The following EIF5B variants were observed in gnomAD, a reference collection of about 807,000 sequenced individuals.
EIF5B encodes eIF-5B.
In EIF5B, 47 loss-of-function variants were observed where a neutral mutation model predicts 147.5. The observed-to-expected ratio is 0.32, with a 90% confidence interval of 0.25 to 0.41. EIF5B has a LOEUF of 0.41. EIF5B is among the 10% of genes least tolerant of loss of function. The pLI is 1.00. For synonymous variants in EIF5B, 455 were observed against 456.2 expected, an observed-to-expected ratio of 1.00 and a Z score of 0.03; for missense variants, 1,064 against 1,413.2, an observed-to-expected ratio of 0.75 and a Z score of 3.96.
chr2:99,339,208 A>G (rs562454690), intron 1 of EIF5B, among the ~76,000 whole-genome samples: 1 of 151,156 alleles, frequency 6.6e-6, no homozygotes, highest in East Asian at 2.0e-4. Flanking sequence ...AGACGGGGTT[A>G]CTCCATGTTG....
intron 8 of EIF5B, among the ~76,000 whole-genome samples, chr2:99,370,974 T>A (rs1390890780): frequency 6.6e-6 from 1 of 152,202 alleles, no homozygotes; most frequent in African/African-American, 2.4e-5. Flanking sequence ...GCATAAAGTA[T>A]GAGTTGGATG....
chr2:99,396,258 A>G (rs1007595009), intron 21 of EIF5B, among the ~76,000 whole-genome samples: 1 of 152,230 alleles, frequency 6.6e-6, no homozygotes, highest in Non-Finnish European at 1.5e-5. Context: ...CGTGTGCTCA[A>G]TAAGCAGGGT....
intron 1 of EIF5B, among the ~76,000 whole-genome samples, chr2:99,358,590 C>G (rs1400997372): frequency 6.6e-6 from 1 of 152,154 alleles, no homozygotes; most frequent in African/African-American, 2.4e-5. Flanking sequence ...CCTGGCTTCC[C>G]CCTCAGTTTC....
chr2:99,397,148 C>CA (rs1489476131), intron 22 of EIF5B: 3 of 320,766 alleles, frequency 9.4e-6, no homozygotes, highest in African/African-American at 6.4e-5. Flanking sequence ...GCTCCATAGT[C>CA]AGTGTTGACT....
intron 1 of EIF5B, among the ~76,000 whole-genome samples, chr2:99,356,361 A>G (rs1674096690): frequency 6.6e-6 from 1 of 152,120 alleles, no homozygotes. Flanking sequence ...GTGGAAAATT[A>G]TGTTCCACCT....
rs140396316 is a variant in EIF5B at position 99,389,827 on chromosome 2, T to C, written c.2381T>C (p.Ile794Thr). 9.9e-6 allele frequency: 16 copies of C among 1,612,252 alleles called. No individual in the cohort carries two copies. The East Asian group carries it at 3.6e-4, about 36-fold the overall frequency. The stretch of plus-strand genomic sequence containing the variant: ...GAATTTGAGGAGCGAGCAAAGGCTA[T>C]TATTGTAGAATTTGCACAGCAGGTA... ...KDEFEERAKA[I>T]IVEFAQQGLN... The change falls in exon 15 of 24, where the codon ATT becomes ACT. Residue 794 changes from isoleucine (I) to threonine (T), a missense_variant. Physicochemically the swap from Ile to Thr is moderately conservative, Grantham distance 89. Around this residue, in one of 4 missense-constraint regions of EIF5B, gnomAD observed 380 missense variants for 715.6 expected, o/e 0.53. Coordinates refer to ENST00000289371, the MANE Select transcript of EIF5B (RefSeq NM_015904.4).
rs1674273050 is a variant in EIF5B at position 99,363,906 on chromosome 2, T to G, written c.1137+44T>G. 11 of 1,548,658 alleles carry G rather than the reference T, an allele frequency of 7.1e-6. No individual in the cohort carries two copies. In the East Asian group the frequency reaches 2.5e-4, roughly 35 times the overall value. ...GGTAACATTGATATTGTGTTTAACT[T>G]AAAATCTATTCTCTGTAAAATATCT... is the stretch of plus-strand genomic sequence containing the variant. On this transcript the variant is annotated intron_variant, in intron 5 of 23. Coordinates refer to ENST00000289371, the MANE Select transcript of EIF5B (RefSeq NM_015904.4).
At position 99,382,938 on chromosome 2, in the gene EIF5B, A is replaced by T; in HGVS notation, c.2271+17A>T. The stretch of plus-strand genomic sequence containing the variant: ...CTCAATAAGGTATGTGCGCCTTCTG[A>T]AAAATTAACCTAGGAAAACATGTTT... On this transcript the variant is annotated intron_variant, in intron 14 of 23. Transcript: ENST00000289371. 5.8e-6 allele frequency: 9 copies of T among 1,550,434 alleles called. No individual in the cohort carries two copies. The highest frequency in any genetic ancestry group is 1.8e-4 in the Middle Eastern group (1 of 5,698).
intron 1 of EIF5B, among the ~76,000 whole-genome samples, chr2:99,345,558 C>T (rs192620099): frequency 4.4e-4 from 65 of 146,364 alleles, no homozygotes; most frequent in Admixed American, 1.3e-3. Context: ...TGCACCACTG[C>T]GCTCCAGCCT....
chr2:99,380,413 A>G (rs926462611), intron 12 of EIF5B, among the ~76,000 whole-genome samples: 47 of 152,148 alleles, frequency 3.1e-4, no homozygotes, highest in African/African-American at 1.1e-3. Context: ...GCATTAGTCC[A>G]TTTCAGTTAT....
intron 14 of EIF5B, among the ~76,000 whole-genome samples, chr2:99,385,707 C>T (rs535347868): frequency 6.6e-6 from 1 of 152,324 alleles, no homozygotes. Flanking sequence ...ATTAGCTTTA[C>T]TGCAGTTGTC....
At position 99,361,689 on chromosome 2, in the gene EIF5B, A is replaced by G. The variant is rs1325932977; in HGVS notation, c.788A>G (p.Lys263Arg). The G allele has an allele frequency of 1.9e-5, 30 of 1,601,552 alleles. No homozygotes were observed. The highest frequency in any genetic ancestry group is 2.5e-5 in the Non-Finnish European group (29 of 1,177,166). ...LKEKEELETG[K>R]KDQSKQKESQ... Reference sequence around the variant, plus strand: ...GAAAAAGAAGAGTTAGAAACAGGTAAAAAGGATCAGAGTAAACAAAAGGAA... The same window carrying G: ...GAAAAAGAAGAGTTAGAAACAGGTAGAAAGGATCAGAGTAAACAAAAGGAA... The change falls in exon 4 of 24, where the codon AAA (lysine) becomes AGA (arginine). Residue 263 changes from lysine to arginine, a missense_variant. By Grantham distance (26) the Lys-to-Arg change is conservative. Around this residue, in one of 4 missense-constraint regions of EIF5B, gnomAD observed 458 missense variants for 451.3 expected, o/e 1.01. Transcript: ENST00000289371.
At chr2:99,388,685 G>A (rs1674859540) in intron 14 of EIF5B, among the ~76,000 whole-genome samples, 1 of 152,000 alleles carries the variant, frequency 6.6e-6, no homozygotes, top group Non-Finnish European at 1.5e-5. Flanking sequence ...GTTGTCATTT[G>A]TTATCCTTTT....
rs1487289192 is a variant in EIF5B, at chr2:99,366,085, A to ATG, written c.1288+1665_1288+1666insGT. The stretch of plus-strand genomic sequence containing the variant: ...ATCCTTTAGCCTGTGACTACTAAGC[A>ATG]TATACACACACACACATATATGAGT... On this transcript the variant is annotated intron_variant, in intron 6 of 23. Coordinates refer to ENST00000289371, the MANE Select transcript of EIF5B (RefSeq NM_015904.4). 1.7e-3 allele frequency among the ~76,000 whole-genome samples: 178 copies of ATG among 106,954 alleles called. 4 individuals are homozygous for ATG. The highest frequency in any genetic ancestry group is 2.2e-3 in the Non-Finnish European group (100 of 45,282). The allele number at this position is 106,954 out of a possible 152,430, so 70.2% of individuals were successfully genotyped here.
intron 1 of EIF5B, among the ~76,000 whole-genome samples, chr2:99,359,206 C>CA (rs70940172): frequency 0.4 from 56,911 of 140,526 alleles, 11,814 homozygotes; most frequent in East Asian, 0.64. Context: ...ACTTAAAATA[C>CA]AAAAAAAAAA....
intron 14 of EIF5B, among the ~76,000 whole-genome samples, chr2:99,387,197 C>T (rs188926982): frequency 1.6e-3 from 246 of 152,246 alleles, no homozygotes; most frequent in African/African-American, 5.7e-3. Context: ...CATGAGCCAC[C>T]GTGCCTGGCC....
chr2:99,363,937 C>A, intron 5 of EIF5B, 75 bp downstream of exon 5: 2 of 1,435,628 alleles, frequency 1.4e-6, no homozygotes, highest in Non-Finnish European at 1.9e-6. Context: ...TATCTTTACT[C>A]TTCTAATTCT....
intron 3 of EIF5B, 135 bp downstream of exon 3, chr2:99,360,684 T>A: frequency 1.3e-6 from 1 of 748,436 alleles, no homozygotes; most frequent in Non-Finnish European, 2.0e-6. Flanking sequence ...TGAAATCTGA[T>A]GTCAAAGGGA....
At chr2:99,387,848 A>AT (rs1674844587) in intron 14 of EIF5B, among the ~76,000 whole-genome samples, 1 of 151,956 alleles carries the variant, frequency 6.6e-6, no homozygotes, top group Non-Finnish European at 1.5e-5. Flanking sequence ...CATTTTATTT[A>AT]TTTTTTTAAA....
Sources: allele counts gnomAD v4.1 joint callset (sites outside exome capture counted in the v4.1 genomes callset), GRCh38; gene constraint gnomAD v4.1.1; regional missense constraint gnomAD v4.1.1; transcripts MANE v1.5; gene names NCBI Gene and HGNC (gene_info 2026-07-23, HGNC 2026-07-21).